KALRN: variants seen among roughly 807,000 people sequenced by gnomAD.
KALRN encodes the protein kalirin.
KALRN carries 70 observed loss-of-function variants against 353.7 expected under a neutral mutation model. The ratio of observed to expected loss-of-function variants is 0.20; its 90% CI spans 0.16 to 0.24. The LOEUF is 0.24. Ranked by LOEUF, KALRN falls within the 10% of genes least tolerant of loss-of-function variation. The pLI is 1.00. For synonymous variants in KALRN, 1,391 were observed against 1,434.8 expected (o/e 0.97, Z 0.69); for missense variants, 2,791 against 3,756.7 (o/e 0.74, Z 6.72).
intron 50 of KALRN, 25 bp from the exon 51 acceptor site, chr3:124,679,433 C>T (rs1398915499): frequency 6.2e-7 from 1 of 1,606,982 alleles, no homozygotes; most frequent in Non-Finnish European, 8.5e-7. Context: ...CTCTTTCTTC[C>T]CCCTTCCTCA....
chr3:124,695,182 TAC>T (rs1346038589), intron 53 of KALRN, among the ~76,000 whole-genome samples: 2 of 152,230 alleles, frequency 1.3e-5, no homozygotes, highest in Non-Finnish European at 2.9e-5. Flanking sequence ...AGGATGCTTC[TAC>T]ACACAGAGTC....
At chr3:124,247,289 T>A (rs1005399301) in intron 3 of KALRN, among the ~76,000 whole-genome samples, 5 of 152,212 alleles carry the variant, frequency 3.3e-5, no homozygotes, top group African/African-American at 9.6e-5. Flanking sequence ...ATCTGGGATT[T>A]TCCAAGCTTT....
intron 33 of KALRN, among the ~76,000 whole-genome samples, chr3:124,511,882 G>A (rs943400665): frequency 2.0e-5 from 3 of 152,106 alleles, no homozygotes; most frequent in African/African-American, 7.2e-5. Context: ...CCATCCCTCA[G>A]CATTTTGTGA....
intron 5 of KALRN, among the ~76,000 whole-genome samples, chr3:124,295,427 A>T (rs985816271): frequency 8.5e-5 from 13 of 152,194 alleles, no homozygotes. Flanking sequence ...CAAGGTGCAC[A>T]GTTCCTTCAG....
intron 1 of KALRN, among the ~76,000 whole-genome samples, chr3:124,227,358 A>T (rs1385915869): frequency 6.6e-6 from 1 of 152,192 alleles, no homozygotes; most frequent in Non-Finnish European, 1.5e-5. Flanking sequence ...TGGACCAATG[A>T]TGATGACATT....
chr3:124,078,409 A>G (rs2060367623), intron 1 of KALRN, among the ~76,000 whole-genome samples: 1 of 152,188 alleles, frequency 6.6e-6, no homozygotes, highest in Non-Finnish European at 1.5e-5. Context: ...ATGGATATTT[A>G]TTGGGTCCTA....
At chr3:124,428,531 T>G (rs555081782) in intron 15 of KALRN, among the ~76,000 whole-genome samples, 4 of 152,304 alleles carry the variant, frequency 2.6e-5, no homozygotes, top group Non-Finnish European at 5.9e-5. Flanking sequence ...CCAAATTTTA[T>G]GTTATTTCTC....
At chr3:124,385,774 T>C (rs2088172146) in intron 11 of KALRN, among the ~76,000 whole-genome samples, 1 of 152,186 alleles carries the variant, frequency 6.6e-6, no homozygotes, top group Non-Finnish European at 1.5e-5. Context: ...CTATGATTGC[T>C]TTTCATTTCT....
chr3:124,652,603 GTC>G (rs1337860878), intron 38 of KALRN, among the ~76,000 whole-genome samples: 1 of 151,918 alleles, frequency 6.6e-6, no homozygotes, highest in Non-Finnish European at 1.5e-5. Context: ...TTGAGATGGA[GTC>G]TCTCTCTTTT....
chr3:124,034,102 A>G (rs1269114779), intron 1 of KALRN, among the ~76,000 whole-genome samples: 1 of 151,950 alleles, frequency 6.6e-6, no homozygotes, highest in East Asian at 2.0e-4. Flanking sequence ...CTTCTCCCAG[A>G]GCGCGGGGAT....
At chr3:124,482,712 C>T in intron 27 of KALRN, 96 bp from the exon 28 acceptor site, 20 of 794,958 alleles carry the variant, frequency 2.5e-5, no homozygotes, top group Admixed American at 1.1e-4. Context: ...TTTTCTCTTT[C>T]TTCCTCTCTT....
intron 34 of KALRN, among the ~76,000 whole-genome samples, chr3:124,628,416 A>C (rs906075593): frequency 0.074 from 1,150 of 15,522 alleles, 2 homozygotes; most frequent in Non-Finnish European, 0.085. Context: ...TCCCTCCTTC[A>C]CTCCCTCCTT....
chr3:124,542,253 G>T (rs2069114854), intron 33 of KALRN, among the ~76,000 whole-genome samples: 1 of 152,158 alleles, frequency 6.6e-6, no homozygotes, highest in Non-Finnish European at 1.5e-5. Flanking sequence ...ATGGAAAATA[G>T]AATTTAACAA....
At chr3:124,540,262 G>T (rs1193894351) in intron 33 of KALRN, among the ~76,000 whole-genome samples, 1 of 152,134 alleles carries the variant, frequency 6.6e-6, no homozygotes, top group Non-Finnish European at 1.5e-5. Context: ...TGTGATAAAT[G>T]AGCTATGCAA....
At chr3:124,135,960 T>A (rs1218205596) in intron 1 of KALRN, among the ~76,000 whole-genome samples, 1 of 152,284 alleles carries the variant, frequency 6.6e-6, no homozygotes, top group East Asian at 1.9e-4. Context: ...GATGAGAAAA[T>A]GGAGGCACAG....
chr3:124,566,507 A>G (rs1207228034), intron 34 of KALRN, among the ~76,000 whole-genome samples: 2 of 124,570 alleles, frequency 1.6e-5, no homozygotes, highest in East Asian at 3.9e-4. Context: ...CCTGTCTCAA[A>G]AAAAAAAAAA....
chr3:124,191,629 G>A (rs2074929913), intron 1 of KALRN, among the ~76,000 whole-genome samples: 1 of 152,182 alleles, frequency 6.6e-6, no homozygotes, highest in Admixed American at 6.5e-5. Context: ...GCCTGGGCAG[G>A]AACAGTTGGG....
At chr3:124,329,160 C>T (rs1412279257) in intron 7 of KALRN, among the ~76,000 whole-genome samples, 1 of 152,198 alleles carries the variant, frequency 6.6e-6, no homozygotes, top group Non-Finnish European at 1.5e-5. Flanking sequence ...TGCGTGAAGA[C>T]CCATAGTCTT....
intron 1 of KALRN, among the ~76,000 whole-genome samples, chr3:124,061,796 T>G (rs1037038340): frequency 6.6e-6 from 1 of 152,180 alleles, no homozygotes; most frequent in African/African-American, 2.4e-5. Flanking sequence ...CAACAGGTGA[T>G]TGGTGGGCTG....
Sources: allele counts gnomAD v4.1 joint callset (sites outside exome capture counted in the v4.1 genomes callset), GRCh38; gene constraint gnomAD v4.1.1; transcripts MANE v1.5; gene names NCBI Gene and HGNC (gene_info 2026-07-23, HGNC 2026-07-21).